The following MYO1B variants were observed in gnomAD, a reference collection of about 807,000 sequenced individuals.
The protein encoded by MYO1B is unconventional myosin-Ib.
Under a neutral mutation model 159.7 loss-of-function variants are expected in MYO1B, and 72 were observed. The ratio of observed to expected loss-of-function variants is 0.45; its 90% confidence interval spans 0.37 to 0.55. The LOEUF is 0.55. MYO1B is among the 20% of genes least tolerant of loss of function. The pLI is 0.00. For missense variants in MYO1B, 1,062 were observed against 1,364.8 expected, an observed-to-expected ratio of 0.78 and a Z score of 3.50; for synonymous variants, 468 against 473.8, an observed-to-expected ratio of 0.99 and a Z score of 0.16.
At chr2:191,383,509 T>C (rs1244631834) in intron 15 of MYO1B, among the ~76,000 whole-genome samples, 167 bp downstream of exon 15, 6 of 105,990 alleles carry the variant, frequency 5.7e-5, no homozygotes, top group African/African-American at 2.4e-4. Flanking sequence ...TATATATATA[T>C]ACACGTACAC....
intron 1 of MYO1B, among the ~76,000 whole-genome samples, chr2:191,255,876 T>G (rs533058100): frequency 6.6e-6 from 1 of 152,242 alleles, no homozygotes; most frequent in South Asian, 2.1e-4. Context: ...TCTCCTGAGC[T>G]CTGCACTAAT....
Position 191,392,139 on chromosome 2 carries a change from G to A in MYO1B, c.2014G>A (p.Glu672Lys), listed in dbSNP as rs1695793384. 1.9e-6 allele frequency: 3 copies of A among 1,608,652 alleles called. 1 individual carries two copies. Among genetic ancestry groups the A allele is most frequent in the South Asian group, 2.2e-5 (2 of 90,494 alleles). Residue 672 changes from glutamate to lysine, a missense_variant, in exon 19 of 31, where the codon GAA (glutamate) becomes AAA (lysine). Glu to Lys is a moderately conservative substitution (Grantham distance 56). Around this residue, in one of 5 missense-constraint regions of MYO1B, gnomAD observed 609 missense variants for 744.4 expected, o/e 0.82. Transcript: ENST00000392318. ...TGTGGAGGTCCTATTTAATGAATTA[G>A]AAATTCCCGTGGAAGAATACTCCTT... ...SGVEVLFNEL[E>K]IPVEEYSFGR...
At chr2:191,347,801 A>G (rs1004560881) in intron 6 of MYO1B, among the ~76,000 whole-genome samples, 1 of 152,206 alleles carries the variant, frequency 6.6e-6, no homozygotes, top group African/African-American at 2.4e-5. Context: ...TACTGTATTT[A>G]AAGTTACTAC....
intron 20 of MYO1B, 87 bp from the exon 21 acceptor site, chr2:191,396,342 C>T (rs1026899961): frequency 1.9e-5 from 26 of 1,387,330 alleles, no homozygotes; most frequent in Admixed American, 8.5e-5. Context: ...GTCAGTTAGA[C>T]GAAGTGAGCA....
At chr2:191,330,893 G>A (rs972841957) in intron 4 of MYO1B, among the ~76,000 whole-genome samples, 1 of 152,160 alleles carries the variant, frequency 6.6e-6, no homozygotes, top group African/African-American at 2.4e-5. Flanking sequence ...TGGCTGGTTA[G>A]TTGTAACATT....
At chr2:191,385,324 TTTGA>T (rs1490251254) in intron 15 of MYO1B, among the ~76,000 whole-genome samples, 1 of 152,218 alleles carries the variant, frequency 6.6e-6, no homozygotes, top group African/African-American at 2.4e-5. Context: ...TTGAAATCAG[TTTGA>T]TTGCAGTGAT....
chr2:191,423,205 A>G lies in MYO1B; in HGVS notation c.3288-632A>G, dbSNP rs34186897. Among the ~76,000 whole-genome samples the G allele has an allele frequency of 3.9e-3, 599 of 152,378 alleles. 2 individuals are homozygous for G. The highest frequency in any genetic ancestry group is 0.014 in the African/African-American group (578 of 41,594). On this transcript the variant is annotated intron_variant, in intron 30 of 30. Transcript: ENST00000392318. ...GTGTACTTACACAAACGTAGATGGT[A>G]TAGCCTACTACACACATAGGCTGTA...
intron 3 of MYO1B, among the ~76,000 whole-genome samples, chr2:191,305,457 C>T (rs779640787): frequency 2.6e-4 from 39 of 152,216 alleles, no homozygotes; most frequent in Non-Finnish European, 4.6e-4. Flanking sequence ...GGAACAGGCC[C>T]AGGCGTACCA....
At chr2:191,372,879 CTTTTTTTTTTTTTT>C (rs34444520) in intron 13 of MYO1B, among the ~76,000 whole-genome samples, 4 of 70,106 alleles carry the variant, frequency 5.7e-5, no homozygotes, top group Non-Finnish European at 7.4e-5. Flanking sequence ...GTTATATTTC[CTTTTTTTTTTTTTT>C]TTTTTTTTTT....
intron 6 of MYO1B, 44 bp from the exon 7 acceptor site, chr2:191,350,118 A>G (rs370859371): frequency 1.3e-6 from 2 of 1,523,268 alleles, no homozygotes; most frequent in African/African-American, 2.7e-5. Context: ...CTGAGTTAAC[A>G]TTTTGAGATG....
intron 3 of MYO1B, among the ~76,000 whole-genome samples, chr2:191,314,969 G>A (rs558790354): frequency 7.6e-4 from 116 of 152,272 alleles, no homozygotes; most frequent in African/African-American, 2.7e-3. Flanking sequence ...TTATTCTGCT[G>A]AACCTGTGTG....
At chr2:191,357,125 T>TA (rs1693344554) in intron 7 of MYO1B, among the ~76,000 whole-genome samples, 1 of 152,244 alleles carries the variant, frequency 6.6e-6, no homozygotes, top group South Asian at 2.1e-4. Flanking sequence ...CTTTCTCTGT[T>TA]ACATCCTAAA....
chr2:191,332,109 C>T (rs1691520831), intron 4 of MYO1B, among the ~76,000 whole-genome samples: 1 of 152,104 alleles, frequency 6.6e-6, no homozygotes, highest in Non-Finnish European at 1.5e-5. Flanking sequence ...ATTACAGGTG[C>T]CCACCACCAC....
chr2:191,333,577 C>G (rs1691631154), intron 4 of MYO1B, among the ~76,000 whole-genome samples: 1 of 152,126 alleles, frequency 6.6e-6, no homozygotes, highest in Non-Finnish European at 1.5e-5. Context: ...CAAGCCACCA[C>G]CCATTATCTC....
chr2:191,299,127 G>A (rs1689155935), intron 3 of MYO1B, among the ~76,000 whole-genome samples: 1 of 152,088 alleles, frequency 6.6e-6, no homozygotes, highest in South Asian at 2.1e-4. Flanking sequence ...GTCTATTCTA[G>A]GTCATAGAAG....
At chr2:191,282,679 A>G (rs1415633555) in intron 2 of MYO1B, among the ~76,000 whole-genome samples, 4 of 152,190 alleles carry the variant, frequency 2.6e-5, no homozygotes, top group African/African-American at 9.7e-5. Flanking sequence ...TTCTTGTTCT[A>G]GAGTTGGAAG....
At chr2:191,277,201 T>C (rs1316122120) in intron 2 of MYO1B, among the ~76,000 whole-genome samples, 171 bp downstream of exon 2, 6 of 152,280 alleles carry the variant, frequency 3.9e-5, no homozygotes, top group African/African-American at 1.4e-4. Context: ...CCATGAGTAA[T>C]GTGGGTTAGA....
chr2:191,385,686 C>T (rs1481736699), intron 15 of MYO1B, among the ~76,000 whole-genome samples, 198 bp from the exon 16 acceptor site: 1 of 152,188 alleles, frequency 6.6e-6, no homozygotes, highest in East Asian at 1.9e-4. Context: ...AACCACACCA[C>T]CATACACACA....
At chr2:191,376,635 C>A (rs1006042773) in intron 13 of MYO1B, among the ~76,000 whole-genome samples, 6 of 152,074 alleles carry the variant, frequency 3.9e-5, no homozygotes, top group Admixed American at 3.9e-4. Context: ...AAAATTTGAC[C>A]TCAAATCAAA....
Sources: allele counts gnomAD v4.1 joint callset (sites outside exome capture counted in the v4.1 genomes callset), GRCh38; gene constraint gnomAD v4.1.1; regional missense constraint gnomAD v4.1.1; transcripts MANE v1.5; gene names NCBI Gene and HGNC (gene_info 2026-07-23, HGNC 2026-07-21).